The following IQANK1 variants were observed in gnomAD, a reference collection of about 807,000 sequenced individuals.
IQANK1 encodes IQ motif and ankyrin repeat domain-containing protein 1.
In IQANK1, 30 loss-of-function variants were observed where a neutral mutation model predicts 22.6. The ratio of observed to expected loss-of-function variants is 1.33; its 90% CI spans 0.99 to 1.80. The LOEUF (loss-of-function observed/expected upper bound fraction) is 1.80. IQANK1 is among the 40% of genes most tolerant of loss of function. The pLI, the probability that IQANK1 is intolerant of heterozygous loss-of-function variation, is 0.00. For missense variants in IQANK1, 275 were observed against 235.2 expected (o/e 1.17, Z -1.11); for synonymous variants, 122 against 99.6 (o/e 1.23, Z -1.34).
At chr8:143,748,427 A>G (rs1310323282) in intron 3 of IQANK1, among the ~76,000 whole-genome samples, 3 of 144,662 alleles carry the variant, frequency 2.1e-5, no homozygotes, top group African/African-American at 7.6e-5. Flanking sequence ...TTTGCTTCAT[A>G]TATGTATATA....
chr8:143,787,995 G>A (rs1554631602), intron 7 of IQANK1, among the ~76,000 whole-genome samples: 1 of 152,138 alleles, frequency 6.6e-6, no homozygotes, highest in African/African-American at 2.4e-5. Flanking sequence ...CCAGCCAGCA[G>A]CTCCTCGGGC....
intron 3 of IQANK1, among the ~76,000 whole-genome samples, chr8:143,746,949 A>G (rs1554627265): frequency 6.6e-6 from 1 of 151,928 alleles, no homozygotes; most frequent in Non-Finnish European, 1.5e-5. Flanking sequence ...GCACTATCTC[A>G]GCTCACTGCA....
rs1819575637 is a variant in IQANK1, at chr8:143,771,618, G to T, written c.306G>T (p.Glu102Asp). Residue 102 changes from glutamate (E) to aspartate (D), a missense_variant and splice_region_variant, in exon 4 of 14, where the codon GAG becomes GAT. Coordinates refer to ENST00000527139, the MANE Select transcript of IQANK1 (RefSeq NM_001381874.1). The surrounding 1 kb of genome is among the most constrained non-coding windows in gnomAD (Gnocchi z 6.0). ...YLEQMETPQK[E>D]AYLAPVRREQ... ...AGCAGATGGAGACGCCGCAGAAGGA[G>T]GTGAGGACGGGCAGCCGCAACAGCC... 5.0e-6 allele frequency: 2 copies of T among 399,002 alleles called. No individual in the cohort carries two copies. Among genetic ancestry groups the T allele is most frequent in the Admixed American group, 8.8e-5 (2 of 22,692 alleles). 24.7% of individuals were successfully genotyped at this position (399,002 alleles called of 1,614,324 possible).
Position 143,772,358 on chromosome 8 carries a change from GC to G in IQANK1, c.666del (p.Ala223LeufsTer23). 2 of 399,104 alleles carry G rather than the reference GC, an allele frequency of 5.0e-6. No individual in the cohort carries two copies. Among genetic ancestry groups the G allele is most frequent in the Non-Finnish European group, 8.8e-6 (2 of 226,186 alleles). The allele number at this position is 399,104 out of a possible 1,614,324, so 24.7% of individuals were successfully genotyped here. On this transcript the variant is annotated frameshift_variant and splice_region_variant, in exon 7 of 14. Transcript: ENST00000527139. LOFTEE classifies it high-confidence loss of function. ...AELGASPNSKGAFGPTPLYRA... is the reference protein window; with the variant it reads ...AELGASPNSKXAFGPTPLYRA... The stretch of plus-strand genomic sequence containing the variant: ...TTGCTCGGGGGGCCCGTCTTGCAGG[GC>G]GCTTTCGGTCCGACGCCGCTGTACC...
At chr8:143,761,160 G>T (rs1587482422) in intron 3 of IQANK1, among the ~76,000 whole-genome samples, 3 of 152,328 alleles carry the variant, frequency 2.0e-5, no homozygotes, top group Admixed American at 2.0e-4. Context: ...CGTCCCCGGA[G>T]CCGCGCGCCC....
At chr8:143,790,329 C>T in intron 13 of IQANK1, 21 bp from the exon 14 acceptor site, 1 of 1,219,822 alleles carries the variant, frequency 8.2e-7, no homozygotes, top group South Asian at 4.2e-5. Context: ...CCACCCTGGC[C>T]TCACCAGCCT....
chr8:143,787,985 C>T (rs1282468468), intron 7 of IQANK1, among the ~76,000 whole-genome samples: 1 of 152,220 alleles, frequency 6.6e-6, no homozygotes, highest in Non-Finnish European at 1.5e-5. Flanking sequence ...CCTCTGCTCT[C>T]CAGCCAGCAG....
At chr8:143,781,526 A>G (rs1819798488) in intron 7 of IQANK1, among the ~76,000 whole-genome samples, 1 of 152,188 alleles carries the variant, frequency 6.6e-6, no homozygotes, top group Admixed American at 6.6e-5. Flanking sequence ...GTCCATCTTC[A>G]ATCTTCTGCA....
At chr8:143,757,968 A>G (rs1819323889) in intron 3 of IQANK1, among the ~76,000 whole-genome samples, 1 of 152,178 alleles carries the variant, frequency 6.6e-6, no homozygotes, top group Non-Finnish European at 1.5e-5. Flanking sequence ...CATTTAGTCC[A>G]ATCAGGATAA....
intron 7 of IQANK1, among the ~76,000 whole-genome samples, chr8:143,784,903 C>T (rs1819859028): frequency 6.6e-6 from 1 of 152,050 alleles, no homozygotes; most frequent in Non-Finnish European, 1.5e-5. Context: ...GTTTTTTTAC[C>T]CTCTTTTCTG....
intron 3 of IQANK1, chr8:143,745,719 CTCAT>C (rs1266040270): frequency 6.6e-6 from 1 of 152,044 alleles, no homozygotes; most frequent in Non-Finnish European, 1.5e-5. Flanking sequence ...CACACCCAGC[CTCAT>C]TCATACATTT....
At chr8:143,782,312 G>C (rs1216045383) in intron 7 of IQANK1, among the ~76,000 whole-genome samples, 1 of 152,016 alleles carries the variant, frequency 6.6e-6, no homozygotes, top group Non-Finnish European at 1.5e-5. Flanking sequence ...TCTTTCTCTT[G>C]CCTGATTGCT....
Position 143,771,092 on chromosome 8 carries a change from C to G in IQANK1, c.176-396C>G, listed in dbSNP as rs781842976. Among the ~76,000 whole-genome samples, 10 of 152,254 alleles carry G rather than the reference C, an allele frequency of 6.6e-5. No individual in the cohort carries two copies. The highest frequency in any genetic ancestry group is 2.4e-4 in the African/African-American group (10 of 41,530). On this transcript the variant is annotated intron_variant, in intron 3 of 13. Coordinates refer to ENST00000527139, the MANE Select transcript of IQANK1 (RefSeq NM_001381874.1). This position sits in a 1 kb window ranked among gnomAD's most constrained non-coding sequence, Gnocchi z 6.0. ...TGATGAGCCCTCCCAGGCCTGGGGC[C>G]CCCCCGCTCAGTCCAGCCTTCGCTC...
rs1432702272 is a variant in IQANK1, at chr8:143,771,953, G to A, written c.459G>A (p.Ala153=). The change falls in exon 5 of 14, where the codon GCG becomes GCA. Residue 153 remains alanine (A), a synonymous_variant. Coordinates refer to ENST00000527139, the MANE Select transcript of IQANK1 (RefSeq NM_001381874.1). This position sits in a 1 kb window ranked among gnomAD's most constrained non-coding sequence, Gnocchi z 6.0. The stretch of plus-strand genomic sequence containing the variant: ...ACGGGGACGTGGGCGAGATCCGGGC[G>A]GTGCTGAAGGAGGTCAGCGGGGGCG... ...AFDGDVGEIR[A]VLKEVEQLLT... 1.1e-5 allele frequency: 3 copies of A among 268,764 alleles called. No homozygotes were observed. Among genetic ancestry groups the A allele is most frequent in the Admixed American group, 5.5e-5 (1 of 18,284 alleles). The allele number at this position is 268,764 out of a possible 1,614,324, so 16.6% of individuals were successfully genotyped here. A position where few individuals can be genotyped will look rare whatever the true frequency, so the allele number is the denominator to read the frequency against.
intron 7 of IQANK1, among the ~76,000 whole-genome samples, chr8:143,776,465 A>G (rs1232425807): frequency 6.6e-6 from 1 of 152,256 alleles, no homozygotes; most frequent in Non-Finnish European, 1.5e-5. Context: ...GACATCAGGC[A>G]ACAAATCAGA....
chr8:143,751,374 G>T (rs1819184791), intron 3 of IQANK1, among the ~76,000 whole-genome samples: 1 of 151,922 alleles, frequency 6.6e-6, no homozygotes, highest in Non-Finnish European at 1.5e-5. Context: ...CACTTTGGGA[G>T]GCCAAGATCG....
At chr8:143,763,928 G>A (rs1226445865) in intron 3 of IQANK1, among the ~76,000 whole-genome samples, 1 of 152,040 alleles carries the variant, frequency 6.6e-6, no homozygotes, top group Non-Finnish European at 1.5e-5. Flanking sequence ...GACTTAAGCT[G>A]GTAATTTTTT....
At chr8:143,744,556 G>A (rs1818991427) in intron 3 of IQANK1, 1 of 152,212 alleles carries the variant, frequency 6.6e-6, no homozygotes, top group Admixed American at 6.5e-5. Context: ...GCCTCTTCAA[G>A]TTGACTGCAG....
chr8:143,759,578 T>C (rs1819356772), intron 3 of IQANK1: 1 of 152,202 alleles, frequency 6.6e-6, no homozygotes, highest in Non-Finnish European at 1.5e-5. Context: ...GTCAATTTGC[T>C]CTGGAAAATA....
Sources: gnomAD v4.1 joint callset for allele counts (sites outside exome capture counted in the v4.1 genomes callset) on GRCh38, gnomAD v4.1.1 for gene constraint, Gnocchi (gnomAD v3.1) non-coding constraint, MANE v1.5 for transcripts, NCBI Gene and HGNC (gene_info 2026-07-23, HGNC 2026-07-21) for gene names.